Variants in BRINP3 observed in about 807,000 individuals in gnomAD.
The protein encoded by BRINP3 is BMP/retinoic acid inducible neural specific 3, also known as BMP/retinoic acid-inducible neural-specific protein 3.
A neutral mutation model predicts 71.0 loss-of-function variants in BRINP3; 19 were observed. The observed-to-expected ratio is 0.27, with a 90% CI of 0.19 to 0.39. The LOEUF (loss-of-function observed/expected upper bound fraction) is 0.39. Among genes scored for constraint, BRINP3 ranks in the 10% least tolerant of loss-of-function variants. The probability of loss-of-function intolerance (pLI) is 1.00; values close to 1 mark genes in which losing one functional copy is unlikely to be tolerated. For synonymous variants in BRINP3, 380 were observed against 337.7 expected (o/e 1.13, Z -1.37); for missense variants, 959 against 940.8 (o/e 1.02, Z -0.25).
At chr1:190,360,752 G>A (rs1669090257) in intron 2 of BRINP3, among the ~76,000 whole-genome samples, 1 of 151,670 alleles carries the variant, frequency 6.6e-6, no homozygotes, top group Non-Finnish European at 1.5e-5. Flanking sequence ...TGTTTTTCCT[G>A]TTCTCAAAAA....
intron 7 of BRINP3, among the ~76,000 whole-genome samples, chr1:190,126,107 A>T (rs1357383525): frequency 6.6e-6 from 1 of 152,022 alleles, no homozygotes; most frequent in African/African-American, 2.4e-5. Context: ...TTGACTAGGA[A>T]TTTAGATGTT....
intron 6 of BRINP3, among the ~76,000 whole-genome samples, chr1:190,223,134 A>C (rs976133032): frequency 6.6e-6 from 1 of 151,994 alleles, no homozygotes; most frequent in South Asian, 2.1e-4. Context: ...TTCTCCAAAA[A>C]TTTGGAAGGA....
chr1:190,254,292 T>TAA (rs1660440849), intron 4 of BRINP3, among the ~76,000 whole-genome samples: 1 of 151,914 alleles, frequency 6.6e-6, no homozygotes, highest in African/African-American at 2.4e-5. Flanking sequence ...AGTTTTTTTT[T>TAA]TTTTCAACTC....
At chr1:190,457,011 A>G (rs1457463654) in intron 1 of BRINP3, among the ~76,000 whole-genome samples, 3 of 152,214 alleles carry the variant, frequency 2.0e-5, no homozygotes, top group Non-Finnish European at 4.4e-5. Flanking sequence ...AATAACTTGG[A>G]AAACAGTTCT....
At chr1:190,184,991 C>T (rs1653385160) in intron 6 of BRINP3, among the ~76,000 whole-genome samples, 1 of 152,082 alleles carries the variant, frequency 6.6e-6, no homozygotes, top group African/African-American at 2.4e-5. Context: ...AGTCCTGAAG[C>T]TTTAAAACTC....
At chr1:190,299,919 G>A (rs1664546270) in intron 2 of BRINP3, among the ~76,000 whole-genome samples, 1 of 152,048 alleles carries the variant, frequency 6.6e-6, no homozygotes, top group Admixed American at 6.6e-5. Flanking sequence ...CGAGACATCT[G>A]CTTTTAGTCT....
intron 1 of BRINP3, among the ~76,000 whole-genome samples, chr1:190,465,508 C>T (rs1045498660): frequency 9.2e-5 from 14 of 151,744 alleles, no homozygotes; most frequent in Non-Finnish European, 2.9e-5. Flanking sequence ...CCTAGATATC[C>T]GTTTGGGTTC....
At chr1:190,101,744 G>A (rs1651720475) in intron 7 of BRINP3, among the ~76,000 whole-genome samples, 1 of 152,010 alleles carries the variant, frequency 6.6e-6, no homozygotes, top group South Asian at 2.1e-4. Flanking sequence ...ATCTCCCACT[G>A]TAAGCTCTAA....
intron 2 of BRINP3, among the ~76,000 whole-genome samples, chr1:190,302,515 G>C (rs569068062): frequency 6.6e-6 from 1 of 151,824 alleles, no homozygotes; most frequent in South Asian, 2.1e-4. Context: ...TTTTGGATTT[G>C]TATGAACTCT....
intron 6 of BRINP3, among the ~76,000 whole-genome samples, chr1:190,174,580 A>C (rs1571910324): frequency 6.6e-6 from 1 of 152,212 alleles, no homozygotes; most frequent in South Asian, 2.1e-4. Flanking sequence ...ATATGTAGCT[A>C]ATTTTAAAAA....
intron 2 of BRINP3, among the ~76,000 whole-genome samples, chr1:190,348,473 C>A (rs1668165819): frequency 6.6e-6 from 1 of 152,082 alleles, no homozygotes; most frequent in African/African-American, 2.4e-5. Context: ...TAAATAAAAG[C>A]CTCACAACTT....
intron 1 of BRINP3, among the ~76,000 whole-genome samples, chr1:190,469,571 C>G (rs1676990259): frequency 6.6e-6 from 1 of 150,756 alleles, no homozygotes; most frequent in Non-Finnish European, 1.5e-5. Context: ...GTGTTCATGT[C>G]TGAAAAAAAC....
Position 190,173,850 on chromosome 1 carries a change from G to C in BRINP3, c.962-12960C>G, listed in dbSNP as rs12090879. On this transcript the variant is annotated intron_variant, in intron 6 of 7. Transcript: ENST00000367462. ...GTTTCAAATTTTGCAAACCTCTTCA[G>C]TGTCTGGAATAAAAGAAAACATCTG... Among the ~76,000 whole-genome samples, 656 of 152,020 alleles carry C rather than the reference G, an allele frequency of 4.3e-3. 2 individuals are homozygous for C. The highest frequency in any genetic ancestry group is 0.015 in the African/African-American group (627 of 41,464).
chr1:190,320,526 T>TATTC (rs200952300), intron 2 of BRINP3, among the ~76,000 whole-genome samples: 2,125 of 152,242 alleles, frequency 0.014, 21 homozygotes, highest in Non-Finnish European at 0.021. Context: ...AATTTGTATT[T>TATTC]ATTCATTCAT....
At chr1:190,451,280 C>T (rs986810769) in intron 2 of BRINP3, among the ~76,000 whole-genome samples, 2 of 152,048 alleles carry the variant, frequency 1.3e-5, no homozygotes, top group African/African-American at 4.8e-5. Flanking sequence ...AGCCTCTGAC[C>T]TTAGAACTCA....
intron 7 of BRINP3, among the ~76,000 whole-genome samples, chr1:190,111,048 G>T (rs958315509): frequency 1.3e-5 from 2 of 151,408 alleles, no homozygotes; most frequent in African/African-American, 4.9e-5. Flanking sequence ...CGTGGTGTTG[G>T]GCGCCTGTAA....
At chr1:190,263,864 A>C (rs542910555) in intron 4 of BRINP3, among the ~76,000 whole-genome samples, 8 of 152,276 alleles carry the variant, frequency 5.3e-5, no homozygotes, top group African/African-American at 1.9e-4. Context: ...CTGGGATAAC[A>C]GGCCTGAGCC....
chr1:190,311,185 A>C (rs1020932561), intron 2 of BRINP3, among the ~76,000 whole-genome samples: 1 of 151,708 alleles, frequency 6.6e-6, no homozygotes, highest in African/African-American at 2.4e-5. Context: ...AAATGACTGC[A>C]GTTTGAAAAA....
chr1:190,124,828 C>T (rs1434324119), intron 7 of BRINP3, among the ~76,000 whole-genome samples: 1 of 151,994 alleles, frequency 6.6e-6, no homozygotes, highest in Non-Finnish European at 1.5e-5. Context: ...CTCTGCACCA[C>T]TTATGGAAGT....
Sources: allele counts gnomAD v4.1 joint callset (sites outside exome capture counted in the v4.1 genomes callset), GRCh38; gene constraint gnomAD v4.1.1; transcripts MANE v1.5; gene names NCBI Gene and HGNC (gene_info 2026-07-23, HGNC 2026-07-21).